ART3: variants seen among roughly 807,000 people sequenced by gnomAD.
The protein encoded by ART3 is ADP-ribosyltransferase 3 (inactive).
In ART3, 49 loss-of-function variants were observed where a neutral mutation model predicts 48.5. The ratio of observed to expected loss-of-function variants is 1.01; its 90% CI spans 0.80 to 1.28. The LOEUF is 1.28. Ranked by LOEUF, ART3 falls within the 50% of genes most tolerant of loss-of-function variation. ART3 has a pLI of 0.00. For synonymous variants in ART3, 145 were observed against 157.2 expected (o/e 0.92, Z 0.58); for missense variants, 438 against 454.3 (o/e 0.96, Z 0.33).
chr4:76,072,072 G>A (rs1436029105), upstream of ART3, among the ~76,000 whole-genome samples: 4 of 152,074 alleles, frequency 2.6e-5, no homozygotes, highest in Non-Finnish European at 5.9e-5. Flanking sequence ...ATGTGCCACT[G>A]CACCTGGCTA....
intron 1 of ART3, among the ~76,000 whole-genome samples, chr4:76,033,253 C>T (rs868079905): frequency 1.3e-5 from 2 of 152,106 alleles, no homozygotes; most frequent in African/African-American, 4.8e-5. Context: ...AAGGACTAGC[C>T]AGAGTCATGC....
In ART3 at chr4:76,068,168, G is replaced by A. The variant is rs1187248142; in HGVS notation, c.-9-7713G>A. 2.6e-5 allele frequency among the ~76,000 whole-genome samples: 4 copies of A among 152,178 alleles called. 1 individual carries two copies. Among genetic ancestry groups the A allele is most frequent in the Admixed American group, 2.6e-4 (4 of 15,286 alleles). On this transcript the variant is annotated intron_variant, in intron 1 of 9. Coordinates refer to the ART3 transcript ENST00000341029. The stretch of plus-strand genomic sequence containing the variant: ...TGTTTGTTAAAATTTGCCTTATTTA[G>A]GTATGACTTATGTAAATAAAATTCA...
At chr4:76,027,509 A>G (rs563408331) in intron 1 of ART3, among the ~76,000 whole-genome samples, 1 of 149,940 alleles carries the variant, frequency 6.7e-6, no homozygotes, top group Non-Finnish European at 1.5e-5. Context: ...CCAACCAGTC[A>G]GAAAAATTGG....
At chr4:76,035,072 G>T in intron 1 of ART3, 1 of 1,613,668 alleles carries the variant, frequency 6.2e-7, no homozygotes, top group Non-Finnish European at 8.5e-7. Flanking sequence ...TGCTTGCTTC[G>T]ATTTGGGATT....
chr4:76,092,969 G>C (rs533696115), intron 3 of ART3, among the ~76,000 whole-genome samples: 12 of 152,292 alleles, frequency 7.9e-5, no homozygotes, highest in Admixed American at 3.3e-4. Flanking sequence ...TATTTCAGAA[G>C]CCTGACATAA....
chr4:76,021,660 A>G lies in ART3; in HGVS notation c.-10+10340A>G, dbSNP rs1732826429. 1.9e-5 allele frequency: 8 copies of G among 414,284 alleles called. No homozygotes were observed. In the East Asian group the frequency reaches 2.6e-4, roughly 13 times the overall value. The allele number at this position is 414,284 out of a possible 1,614,324, so 25.7% of individuals were successfully genotyped here. Reference sequence around the variant, plus strand: ...GGGAAATATTTGAAGCAGGGTCAGAACATCCACTAAGAACATAGCACCTCA... The same window carrying G: ...GGGAAATATTTGAAGCAGGGTCAGAGCATCCACTAAGAACATAGCACCTCA... On this transcript the variant is annotated intron_variant, in intron 1 of 9. Coordinates refer to the ART3 transcript ENST00000341029.
At chr4:76,087,114 C>T (rs1482807958) in intron 3 of ART3, among the ~76,000 whole-genome samples, 1 of 152,160 alleles carries the variant, frequency 6.6e-6, no homozygotes, top group African/African-American at 2.4e-5. Context: ...TGGCTACAAG[C>T]TAAATGTAGC....
chr4:76,014,415 G>A (rs373299116), intron 1 of ART3, among the ~76,000 whole-genome samples: 24 of 152,154 alleles, frequency 1.6e-4, no homozygotes, highest in African/African-American at 5.6e-4. Context: ...AAAAAATTTA[G>A]TAGATGGGTT....
intron 1 of ART3, among the ~76,000 whole-genome samples, chr4:76,016,706 G>A (rs953398174): frequency 6.6e-6 from 1 of 152,190 alleles, no homozygotes; most frequent in Middle Eastern, 3.2e-3. Context: ...TGCTGTCTGG[G>A]AGCCAGGGAC....
chr4:76,021,614 C>T, intron 1 of ART3: 1 of 325,684 alleles, frequency 3.1e-6, no homozygotes, highest in Non-Finnish European at 5.6e-6. Flanking sequence ...CCTTAGTACC[C>T]TTGGAAGATG....
chr4:76,046,659 G>C (rs1735525797), intron 1 of ART3, among the ~76,000 whole-genome samples: 1 of 151,942 alleles, frequency 6.6e-6, no homozygotes, highest in South Asian at 2.1e-4. Context: ...CCCTCCTCAA[G>C]TAGGGGACAG....
chr4:76,112,138 T>G, intron 11 of ART3: 2 of 412,146 alleles, frequency 4.9e-6, no homozygotes, highest in East Asian at 4.1e-5. Flanking sequence ...TCAGGTTACA[T>G]GTAGGTTTTC....
intron 1 of ART3, among the ~76,000 whole-genome samples, chr4:76,013,514 G>T (rs1344505683): frequency 6.6e-6 from 1 of 152,062 alleles, no homozygotes; most frequent in Non-Finnish European, 1.5e-5. Flanking sequence ...ACATTTCCTT[G>T]TGTCTACGTA....
intron 1 of ART3, chr4:76,021,819 C>T (rs891687993): frequency 9.1e-7 from 1 of 1,098,338 alleles, no homozygotes; most frequent in East Asian, 2.4e-5. Flanking sequence ...TAACTGCAAA[C>T]TAAGAACAAT....
At chr4:76,104,017 A>G in intron 9 of ART3, 48 bp downstream of exon 9, 1 of 1,561,838 alleles carries the variant, frequency 6.4e-7, no homozygotes, top group South Asian at 1.1e-5. Context: ...TGAGTTGAGC[A>G]GGATTCCCAG....
chr4:76,021,711 G>A (rs1220565411), intron 1 of ART3: 6 of 574,844 alleles, frequency 1.0e-5, no homozygotes, highest in South Asian at 2.3e-5. Context: ...TAGTGCCAGG[G>A]TAGAGTTATT....
rs1374356237 is a variant in ART3 at position 76,045,445 on chromosome 4, G to A, written c.-9-30436G>A. On this transcript the variant is annotated intron_variant, in intron 1 of 9. Transcript: ENST00000341029. Reference sequence around the variant, plus strand: ...ACATCATGAGTAGTCCAGACAGTGAGATCCTTTCCTTGTATTATTTTGATA... The same window carrying A: ...ACATCATGAGTAGTCCAGACAGTGAAATCCTTTCCTTGTATTATTTTGATA... Among the ~76,000 whole-genome samples the A allele has an allele frequency of 2.0e-5, 3 of 152,110 alleles. No homozygotes were observed. The South Asian group carries it at 6.2e-4, about 32-fold the overall frequency.
upstream of ART3, among the ~76,000 whole-genome samples, chr4:76,073,150 T>C (rs55813915): frequency 0.21 from 31,339 of 152,112 alleles, 5,493 homozygotes; most frequent in African/African-American, 0.48. Context: ...CACTGGTATA[T>C]CTCTAGTACC....
chr4:76,044,966 G>T (rs992580518), intron 1 of ART3, among the ~76,000 whole-genome samples: 1 of 152,024 alleles, frequency 6.6e-6, no homozygotes, highest in Non-Finnish European at 1.5e-5. Context: ...TGCAGCATGG[G>T]CATGTAGGAT....
Sources: allele counts gnomAD v4.1 joint callset (sites outside exome capture counted in the v4.1 genomes callset), GRCh38; gene constraint gnomAD v4.1.1; transcripts MANE v1.5; gene names NCBI Gene and HGNC (gene_info 2026-07-23, HGNC 2026-07-21).